Variants in STPG4 observed in about 807,000 individuals in gnomAD.
STPG4 encodes protein STPG4.
Under a neutral mutation model 31.5 loss-of-function variants are expected in STPG4, and 41 were observed. The ratio of observed to expected loss-of-function variants is 1.30; its 90% CI spans 1.01 to 1.69. The LOEUF (loss-of-function observed/expected upper bound fraction) is 1.69, where lower values mean the gene tolerates loss of function less well. Among genes scored for constraint, STPG4 ranks in the 40% most tolerant of loss-of-function variants. STPG4 has a pLI of 0.00. For missense variants in STPG4, 375 were observed against 293.4 expected, an observed-to-expected ratio of 1.28 and a Z score of -2.03; for synonymous variants, 141 against 103.0, an observed-to-expected ratio of 1.37 and a Z score of -2.24.
chr2:47,097,544 A>G (rs1014533353), intron 5 of STPG4, among the ~76,000 whole-genome samples: 3 of 152,150 alleles, frequency 2.0e-5, no homozygotes, highest in African/African-American at 7.2e-5. Flanking sequence ...TTCCTCAGAC[A>G]GGAAGGATGC....
chr2:47,090,912 G>A (rs1359634887), intron 5 of STPG4, among the ~76,000 whole-genome samples: 2 of 152,164 alleles, frequency 1.3e-5, no homozygotes, highest in Non-Finnish European at 2.9e-5. Context: ...AATCACTCCA[G>A]TAGGAAAATT....
At chr2:47,105,537 T>A (rs1220768945) in intron 5 of STPG4, among the ~76,000 whole-genome samples, 1 of 152,058 alleles carries the variant, frequency 6.6e-6, no homozygotes, top group Non-Finnish European at 1.5e-5. Context: ...CAATCGAACA[T>A]GACTGCCAAC....
intron 5 of STPG4, among the ~76,000 whole-genome samples, chr2:47,098,158 C>A (rs1318451403): frequency 6.6e-6 from 1 of 152,186 alleles, no homozygotes; most frequent in African/African-American, 2.4e-5. Flanking sequence ...CAGATTAAAG[C>A]CCTTTGGGTG....
chr2:47,100,705 C>G lies in STPG4; in HGVS notation c.520-10331G>C, dbSNP rs903430260. ...CACCGCGAAGGTCTGCAGCTTCACT[C>G]CTGAGGCCAGCGAGACCATGAGCCC... is the stretch of plus-strand genomic sequence containing the variant. On this transcript the variant is annotated intron_variant, in intron 5 of 6. Transcript: ENST00000445927. 4.6e-5 allele frequency among the ~76,000 whole-genome samples: 7 copies of G among 151,808 alleles called. No homozygotes were observed. In the East Asian group the frequency reaches 9.6e-4, roughly 21 times the overall value.
intron 5 of STPG4, among the ~76,000 whole-genome samples, chr2:47,120,058 C>T (rs1419581787): frequency 2.0e-5 from 3 of 152,084 alleles, no homozygotes; most frequent in South Asian, 2.1e-4. Context: ...AGGCCAGGGG[C>T]GGTGGCTCAT....
At chr2:47,142,305 T>A (rs1276289614) in intron 3 of STPG4, among the ~76,000 whole-genome samples, 1 of 151,996 alleles carries the variant, frequency 6.6e-6, no homozygotes, top group Non-Finnish European at 1.5e-5. Flanking sequence ...AGGGAGGGAA[T>A]AGAATTGCCA....
chr2:47,131,893 G>A (rs1242503353), intron 3 of STPG4, among the ~76,000 whole-genome samples: 1 of 152,120 alleles, frequency 6.6e-6, no homozygotes, highest in African/African-American at 2.4e-5. Context: ...ATAGACAGGA[G>A]AGGCTTAATG....
At chr2:47,117,759 G>T (rs111361478) in intron 5 of STPG4, among the ~76,000 whole-genome samples, 1 of 151,968 alleles carries the variant, frequency 6.6e-6, no homozygotes, top group Non-Finnish European at 1.5e-5. Flanking sequence ...CTTGGCATAG[G>T]GTGTCACACA....
intron 3 of STPG4, among the ~76,000 whole-genome samples, chr2:47,137,697 T>C (rs1425453811): frequency 6.6e-6 from 1 of 152,208 alleles, no homozygotes; most frequent in Non-Finnish European, 1.5e-5. Context: ...TCATGTCAGT[T>C]GTGGAAAATT....
At chr2:47,094,737 C>T (rs778645572) in intron 5 of STPG4, among the ~76,000 whole-genome samples, 6 of 152,274 alleles carry the variant, frequency 3.9e-5, no homozygotes, top group Admixed American at 1.3e-4. Flanking sequence ...CAGTGGGTTA[C>T]GGGATGTCGC....
Position 47,099,768 on chromosome 2 carries a change from G to A in STPG4, c.520-9394C>T, listed in dbSNP as rs535933750. Among the ~76,000 whole-genome samples, 41 of 152,380 alleles carry A rather than the reference G, an allele frequency of 2.7e-4. 1 individual carries two copies. In the East Asian group the frequency reaches 3.9e-3, roughly 14 times the overall value. ...AGTGGGAACCGGGGCTGCGCGTGGC[G>A]CTTGCGGGCCAGCTGGAGTTCCGGG... On this transcript the variant is annotated intron_variant, in intron 5 of 6. Coordinates refer to ENST00000445927, the MANE Select transcript of STPG4 (RefSeq NM_001163561.2).
At chr2:47,097,376 A>G (rs1054483054) in intron 5 of STPG4, among the ~76,000 whole-genome samples, 6 of 152,110 alleles carry the variant, frequency 3.9e-5, no homozygotes, top group South Asian at 2.1e-4. Context: ...TATGGTCTGG[A>G]TGCTGATGTC....
intron 5 of STPG4, among the ~76,000 whole-genome samples, chr2:47,126,748 T>C (rs1686374138): frequency 6.6e-6 from 1 of 150,456 alleles, no homozygotes; most frequent in Admixed American, 6.6e-5. Flanking sequence ...TCTGGGAAAG[T>C]ATTTATCCTT....
chr2:47,131,112 C>A (rs530027169), intron 3 of STPG4, among the ~76,000 whole-genome samples: 94 of 151,946 alleles, frequency 6.2e-4, no homozygotes, highest in African/African-American at 2.1e-3. Context: ...CTGTACCTGA[C>A]CTGATCACAT....
At chr2:47,105,138 T>A (rs1347661683) in intron 5 of STPG4, among the ~76,000 whole-genome samples, 1 of 151,812 alleles carries the variant, frequency 6.6e-6, no homozygotes, top group Non-Finnish European at 1.5e-5. Flanking sequence ...CTTTAAGCCT[T>A]CCCACAGGAC....
intron 1 of STPG4, among the ~76,000 whole-genome samples, chr2:47,154,038 C>A (rs192967629): frequency 6.6e-6 from 1 of 152,248 alleles, no homozygotes; most frequent in Admixed American, 6.5e-5. Context: ...TAGATAAAAT[C>A]ATTAAAATGT....
At chr2:47,141,464 T>C (rs915165715) in intron 3 of STPG4, among the ~76,000 whole-genome samples, 3 of 152,148 alleles carry the variant, frequency 2.0e-5, no homozygotes, top group African/African-American at 7.2e-5. Flanking sequence ...TGTATCCAGC[T>C]TTCAAACTTC....
rs558171763 is a variant in STPG4, at chr2:47,145,095, C to T, written c.399+6163G>A. Among the ~76,000 whole-genome samples, 20 of 152,276 alleles carry T rather than the reference C, an allele frequency of 1.3e-4. 1 individual carries two copies. Among genetic ancestry groups the T allele is most frequent in the African/African-American group, 4.6e-4 (19 of 41,566 alleles). On this transcript the variant is annotated intron_variant, in intron 3 of 6. Coordinates refer to ENST00000445927, the MANE Select transcript of STPG4 (RefSeq NM_001163561.2). The stretch of plus-strand genomic sequence containing the variant: ...TAGTAGGAAATTACATGATCCTAAA[C>T]TAAAAGACAGCAAGAAGCCAAGGAG...
intron 5 of STPG4, among the ~76,000 whole-genome samples, chr2:47,116,819 T>A (rs1259555488): frequency 6.6e-6 from 1 of 152,212 alleles, no homozygotes; most frequent in Admixed American, 6.5e-5. Flanking sequence ...CCACAAAACA[T>A]TTCTCAACAG....
Sources: allele counts gnomAD v4.1 joint callset (sites outside exome capture counted in the v4.1 genomes callset), GRCh38; gene constraint gnomAD v4.1.1; transcripts MANE v1.5; gene names NCBI Gene and HGNC (gene_info 2026-07-23, HGNC 2026-07-21).